The following TCP10L variants were observed in gnomAD, a reference collection of about 807,000 sequenced individuals.
The protein encoded by TCP10L is T-complex protein 10A homolog 1.
TCP10L carries 11 observed loss-of-function variants against 19.2 expected under a neutral mutation model. That is an observed-to-expected ratio of 0.57 (90% CI 0.36 to 0.95). The LOEUF is 0.95. TCP10L is among the 40% of genes least tolerant of loss of function. TCP10L has a pLI of 0.01. For missense variants in TCP10L, 247 were observed against 263.9 expected, an observed-to-expected ratio of 0.94 and a Z score of 0.44; for synonymous variants, 96 against 97.2, an observed-to-expected ratio of 0.99 and a Z score of 0.07.
chr21:32,583,545 CGCCACTGCACTCCA>C (rs2038521501), intron 2 of TCP10L, among the ~76,000 whole-genome samples: 1 of 146,620 alleles, frequency 6.8e-6, no homozygotes, highest in Non-Finnish European at 1.5e-5. Flanking sequence ...GCCGAGATCC[CGCCACTGCACTCCA>C]GCCTGGGCGA....
intron 4 of TCP10L, chr21:32,577,773 C>T (rs1161879274): frequency 6.6e-6 from 1 of 152,224 alleles, no homozygotes; most frequent in Non-Finnish European, 1.5e-5. Context: ...AAGACATACG[C>T]ACGGAAGTAT....
In TCP10L at chr21:32,576,690, A is replaced by T; in HGVS notation, c.*84T>A. 7.2e-7 allele frequency: 1 copy of T among 1,390,578 alleles called. No homozygotes were observed. The highest frequency in any genetic ancestry group is 9.9e-7 in the Non-Finnish European group (1 of 1,006,910). The allele number at this position is 1,390,578 out of a possible 1,614,324, so 86.1% of individuals were successfully genotyped here. A position where few individuals can be genotyped will look rare whatever the true frequency, so the allele number is the denominator to read the frequency against. On this transcript the variant is annotated 3_prime_UTR_variant, in exon 5 of 5. Coordinates refer to ENST00000300258, the MANE Select transcript of TCP10L (RefSeq NM_144659.7). ...ATAACAAATTGAGTACTTTTATTAGACCTAAGTGGAACTTTATCTGAATCT... is the reference window on the plus strand; with the variant it reads ...ATAACAAATTGAGTACTTTTATTAGTCCTAAGTGGAACTTTATCTGAATCT...
At chr21:32,579,507 C>T (rs181391194) in intron 3 of TCP10L, among the ~76,000 whole-genome samples, 6 of 152,296 alleles carry the variant, frequency 3.9e-5, no homozygotes, top group Non-Finnish European at 7.3e-5. Context: ...GATACACCTT[C>T]GCATATTTAA....
chr21:32,577,333 A>T (rs1241580903), intron 4 of TCP10L: 2 of 171,742 alleles, frequency 1.2e-5, no homozygotes, highest in African/African-American at 4.8e-5. Context: ...GCATGAGAGA[A>T]GTCCGCGTCT....
intron 3 of TCP10L, among the ~76,000 whole-genome samples, chr21:32,579,718 T>C (rs1378508332): frequency 1.3e-5 from 2 of 152,228 alleles, no homozygotes; most frequent in African/African-American, 4.8e-5. Context: ...TAAGACTTCA[T>C]TGACTCTTAG....
At chr21:32,580,114 T>G (rs1182324432) in intron 3 of TCP10L, among the ~76,000 whole-genome samples, 1 of 152,100 alleles carries the variant, frequency 6.6e-6, no homozygotes, top group Non-Finnish European at 1.5e-5. Flanking sequence ...TTTGTTTGTT[T>G]TGTTTTTTTC....
At chr21:32,584,019 G>A in intron 2 of TCP10L, 142 bp downstream of exon 2, 1 of 1,137,302 alleles carries the variant, frequency 8.8e-7, no homozygotes, top group Non-Finnish European at 1.2e-6. Context: ...ATGCCCCTTG[G>A]AGAGGAAGTA....
At chr21:32,585,035 G>A (rs1220266907) in intron 1 of TCP10L, among the ~76,000 whole-genome samples, 1 of 152,162 alleles carries the variant, frequency 6.6e-6, no homozygotes. Flanking sequence ...CTCCACCCCT[G>A]CCTTGCCCTG....
intron 2 of TCP10L, among the ~76,000 whole-genome samples, chr21:32,583,893 G>A (rs1601128401): frequency 6.6e-6 from 1 of 152,340 alleles, no homozygotes; most frequent in Middle Eastern, 3.4e-3. Context: ...AGTTTTTAAA[G>A]TCTGGTGCCT....
At chr21:32,581,928 A>T (rs1266470393) in intron 3 of TCP10L, among the ~76,000 whole-genome samples, 2 of 152,190 alleles carry the variant, frequency 1.3e-5, no homozygotes, top group African/African-American at 4.8e-5. Flanking sequence ...GTCCTGAGAC[A>T]TCATGAGATG....
chr21:32,579,432 C>T (rs972778280), intron 3 of TCP10L, among the ~76,000 whole-genome samples: 9 of 152,190 alleles, frequency 5.9e-5, no homozygotes, highest in South Asian at 2.1e-4. Context: ...GCCATGCCCG[C>T]GTTCTGTGGG....
chr21:32,584,500 G>C (rs2038536343), intron 1 of TCP10L, among the ~76,000 whole-genome samples, 195 bp from the exon 2 acceptor site: 1 of 152,164 alleles, frequency 6.6e-6, no homozygotes, highest in Non-Finnish European at 1.5e-5. Flanking sequence ...GGACTGAGCT[G>C]TCCACACCTG....
intron 4 of TCP10L, 97 bp from the exon 5 acceptor site, chr21:32,577,020 G>T: frequency 7.9e-7 from 1 of 1,273,772 alleles, no homozygotes; most frequent in Non-Finnish European, 1.1e-6. Flanking sequence ...GAATGTAGAT[G>T]ATTCTACTCC....
Position 32,576,488 on chromosome 21 carries a change from T to C in TCP10L, c.*286A>G. 1 of 613,238 alleles carries C rather than the reference T, an allele frequency of 1.6e-6. No individual in the cohort carries two copies. The highest frequency in any genetic ancestry group is 2.5e-5 in the South Asian group (1 of 40,432). 38.0% of individuals were successfully genotyped at this position (613,238 alleles called of 1,614,324 possible). A position where few individuals can be genotyped will look rare whatever the true frequency, so the allele number is the denominator to read the frequency against. On this transcript the variant is annotated 3_prime_UTR_variant, in exon 5 of 5. Coordinates refer to ENST00000300258, the MANE Select transcript of TCP10L (RefSeq NM_144659.7). ...CCGACACTCCATACTACAAGGTGGG[T>C]TAATTTTTTTAAAGACTCTGCAGAA...
rs761640278 is a variant in TCP10L at position 32,578,728 on chromosome 21, T to C, written c.464A>G (p.Gln155Arg). The C allele has an allele frequency of 6.2e-7, 1 of 1,614,184 alleles. No individual in the cohort carries two copies. The highest frequency in any genetic ancestry group is 1.1e-5 in the South Asian group (1 of 91,066). ...HKNQSATLLG[Q>R]RSSSNNSAPP... ...AGCTGAATTGTTAGATGACGATCTT[T>C]GTCCCAGGAGAGTGGCACTCTGATT... is the stretch of plus-strand genomic sequence containing the variant. Residue 155 changes from glutamine (Q) to arginine (R), a missense_variant, in exon 4 of 5, where the codon CAA (glutamine) becomes CGA (arginine). By Grantham distance (43) the Gln-to-Arg change is conservative (BLOSUM62 1). Coordinates refer to ENST00000300258, the MANE Select transcript of TCP10L (RefSeq NM_144659.7). This position sits in a 1 kb window ranked among gnomAD's most constrained non-coding sequence, Gnocchi z 4.2.
rs186550553 is a variant in TCP10L, at chr21:32,576,692, C to T, written c.*82G>A. ...AACAAATTGAGTACTTTTATTAGAC[C>T]TAAGTGGAACTTTATCTGAATCTGA... On this transcript the variant is annotated 3_prime_UTR_variant, in exon 5 of 5. Transcript: ENST00000300258. The T allele has an allele frequency of 2.7e-3, 3,779 of 1,424,790 alleles. 7 individuals carry two copies. Among genetic ancestry groups the T allele is most frequent in the Non-Finnish European group, 3.3e-3 (3,449 of 1,038,208 alleles). The allele number at this position is 1,424,790 out of a possible 1,614,324, so 88.3% of individuals were successfully genotyped here. A position where few individuals can be genotyped will look rare whatever the true frequency, so the allele number is the denominator to read the frequency against.
chr21:32,576,789 TCTCTCTG>T lies in TCP10L; in HGVS notation c.626_632del (p.Ala209AspfsTer29), dbSNP rs2038439668. On this transcript the variant is annotated frameshift_variant, in exon 5 of 5. Transcript: ENST00000300258. LOFTEE classifies it high-confidence loss of function. Reference sequence around the variant, plus strand: ...CTTTCCATCTTCAGACACCCCCCCGTCTCTCTGCACAGGGAGTTGGCCTTCCAGTAGG... The same window carrying T: ...CTTTCCATCTTCAGACACCCCCCCGTCACAGGGAGTTGGCCTTCCAGTAGG... 1 of 1,613,378 alleles carries T rather than the reference TCTCTCTG, an allele frequency of 6.2e-7. No homozygotes were observed. Among genetic ancestry groups the T allele is most frequent in the Non-Finnish European group, 8.5e-7 (1 of 1,179,862 alleles).
rs2038436080 is a variant in TCP10L, at chr21:32,576,556, AC to A, written c.*217del. 3.2e-6 allele frequency: 2 copies of A among 625,002 alleles called. No individual in the cohort carries two copies. The highest frequency in any genetic ancestry group is 6.5e-5 in the Admixed American group (2 of 30,828). The allele number at this position is 625,002 out of a possible 1,614,324, so 38.7% of individuals were successfully genotyped here. ...CTCAGGAAAGCAACTGATTTATAAA[AC>A]CCAATCCAAGTTGTTTGCTTTTATA... On this transcript the variant is annotated 3_prime_UTR_variant, in exon 5 of 5. Transcript: ENST00000300258.
intron 1 of TCP10L, among the ~76,000 whole-genome samples, chr21:32,584,904 C>A (rs1291705415): frequency 1.3e-5 from 2 of 152,112 alleles, no homozygotes; most frequent in South Asian, 2.1e-4. Context: ...AAAGGAAACA[C>A]CTTTTTATAG....
Sources: gnomAD v4.1 joint callset for allele counts (sites outside exome capture counted in the v4.1 genomes callset) on GRCh38, gnomAD v4.1.1 for gene constraint, Gnocchi (gnomAD v3.1) non-coding constraint, MANE v1.5 for transcripts, NCBI Gene and HGNC (gene_info 2026-07-23, HGNC 2026-07-21) for gene names.